Variants in THNSL1 observed in about 807,000 individuals in gnomAD.
THNSL1 encodes the protein threonine synthase like 1, also known as threonine synthase-like 1.
In THNSL1, 48 loss-of-function variants were observed where a neutral mutation model predicts 50.4. The ratio of observed to expected loss-of-function variants is 0.95; its 90% CI spans 0.76 to 1.21. The LOEUF (loss-of-function observed/expected upper bound fraction) is 1.21. Among genes scored for constraint, THNSL1 ranks in the 50% most tolerant of loss-of-function variants. THNSL1 has a pLI of 0.00. For missense variants in THNSL1, 896 were observed against 871.7 expected (o/e 1.03, Z -0.35); for synonymous variants, 309 against 306.1 (o/e 1.01, Z -0.10).
At chr10:24,996,859 C>T in the THNSL1 span, among the ~76,000 whole-genome samples, 1 of 152,120 alleles carries the variant, frequency 6.6e-6, no homozygotes, top group African/African-American at 2.4e-5. Flanking sequence ...CCCAGTATCT[C>T]AGAATATAAC....
intron 1 of THNSL1, among the ~76,000 whole-genome samples, chr10:25,019,024 C>G (rs1850667715): frequency 6.6e-6 from 1 of 152,084 alleles, no homozygotes; most frequent in African/African-American, 2.4e-5. Flanking sequence ...AAGTGGGAGG[C>G]CCTCTGAATG....
upstream of THNSL1, among the ~76,000 whole-genome samples, chr10:25,015,578 TAATTA>T (rs1360880072): frequency 2.0e-5 from 3 of 152,174 alleles, no homozygotes; most frequent in South Asian, 2.1e-4. Context: ...ATATCACATA[TAATTA>T]AATTACACAA....
At chr10:24,968,205 G>A in the THNSL1 span, among the ~76,000 whole-genome samples, 10 of 152,058 alleles carry the variant, frequency 6.6e-5, no homozygotes, top group African/African-American at 2.4e-4. Flanking sequence ...AGGGAGCAAG[G>A]TTTTCCCAGG....
At chr10:25,022,434 C>T (rs1319349127) in intron 2 of THNSL1, among the ~76,000 whole-genome samples, 1 of 152,158 alleles carries the variant, frequency 6.6e-6, no homozygotes, top group Non-Finnish European at 1.5e-5. Context: ...GACCTCATTG[C>T]TGATTATTAA....
chr10:24,957,778 G>A, the THNSL1 span, among the ~76,000 whole-genome samples: 2 of 152,178 alleles, frequency 1.3e-5, no homozygotes, highest in Non-Finnish European at 2.9e-5. Context: ...ACTGCATCCG[G>A]CCTTGAGTTG....
the THNSL1 span, among the ~76,000 whole-genome samples, chr10:24,971,782 C>T: frequency 6.6e-6 from 1 of 152,172 alleles, no homozygotes; most frequent in East Asian, 1.9e-4. Flanking sequence ...CACTATCAAC[C>T]AGGGGGCAGT....
chr10:25,022,767 A>G (rs1409561636), intron 2 of THNSL1, among the ~76,000 whole-genome samples: 1 of 152,198 alleles, frequency 6.6e-6, no homozygotes, highest in African/African-American at 2.4e-5. Context: ...CCAACTCCAA[A>G]TCATCTTTAT....
chr10:24,999,008 GT>G, the THNSL1 span, among the ~76,000 whole-genome samples: 1 of 152,308 alleles, frequency 6.6e-6, no homozygotes, highest in East Asian at 1.9e-4. Context: ...GGTAGTAATG[GT>G]TGTAATTTTC....
chr10:24,973,639 T>A, the THNSL1 span, among the ~76,000 whole-genome samples: 1 of 152,076 alleles, frequency 6.6e-6, no homozygotes, highest in Non-Finnish European at 1.5e-5. Context: ...ATGAAAAAAA[T>A]TGTATCTTAA....
At chr10:24,991,493 CAG>C in the THNSL1 span, among the ~76,000 whole-genome samples, 2 of 151,822 alleles carry the variant, frequency 1.3e-5, no homozygotes, top group African/African-American at 4.8e-5. Context: ...AGGCTGTTGA[CAG>C]GGGCGTGCCA....
chr10:25,014,064 GCTTTCATAA>G (rs1850511068), upstream of THNSL1, among the ~76,000 whole-genome samples: 1 of 152,154 alleles, frequency 6.6e-6, no homozygotes, highest in Admixed American at 6.5e-5. Context: ...TGACTCTGAG[GCTTTCATAA>G]CTTAAGTCTC....
chr10:24,982,719 T>C, the THNSL1 span: 1 of 152,206 alleles, frequency 6.6e-6, no homozygotes, highest in South Asian at 2.1e-4. Flanking sequence ...GATCCCGTGG[T>C]AGGGATCACC....
chr10:25,013,955 A>G (rs1413504906), upstream of THNSL1, among the ~76,000 whole-genome samples: 1 of 132,924 alleles, frequency 7.5e-6, no homozygotes, highest in Non-Finnish European at 1.6e-5. Context: ...AAAAAAAGTA[A>G]TTAAAAAAAA....
At chr10:24,967,647 TGTGTGTGTAC>T in the THNSL1 span, among the ~76,000 whole-genome samples, 1 of 152,164 alleles carries the variant, frequency 6.6e-6, no homozygotes, top group African/African-American at 2.4e-5. Flanking sequence ...CCTATGTGCG[TGTGTGTGTAC>T]ATGTGTGTAT....
At chr10:24,959,615 A>G in the THNSL1 span, among the ~76,000 whole-genome samples, 3 of 152,360 alleles carry the variant, frequency 2.0e-5, no homozygotes, top group East Asian at 5.8e-4. Context: ...TTAGTACGCC[A>G]ATATGCACTG....
chr10:24,986,560 C>A, the THNSL1 span, among the ~76,000 whole-genome samples: 1 of 152,142 alleles, frequency 6.6e-6, no homozygotes, highest in Non-Finnish European at 1.5e-5. Context: ...GTGGCTATTG[C>A]AGAGAGGAAG....
the THNSL1 span, among the ~76,000 whole-genome samples, chr10:24,972,408 T>C: frequency 6.6e-6 from 1 of 151,398 alleles, no homozygotes; most frequent in Non-Finnish European, 1.5e-5. Flanking sequence ...CTTGGGAGGC[T>C]GAGGCAGGAG....
chr10:25,022,753 CACTCCA>C (rs756220514), intron 2 of THNSL1, among the ~76,000 whole-genome samples: 4 of 152,050 alleles, frequency 2.6e-5, no homozygotes, highest in Non-Finnish European at 5.9e-5. Flanking sequence ...AAGTAGATAG[CACTCCA>C]ACTCCAAATC....
At chr10:25,002,899 TA>T in the THNSL1 span, among the ~76,000 whole-genome samples, 1 of 151,812 alleles carries the variant, frequency 6.6e-6, no homozygotes, top group African/African-American at 2.4e-5. Context: ...GTCTCGTGAT[TA>T]ATAAGATAAT....
Sources: allele counts gnomAD v4.1 joint callset (sites outside exome capture counted in the v4.1 genomes callset), GRCh38; gene constraint gnomAD v4.1.1; transcripts MANE v1.5; gene names NCBI Gene and HGNC (gene_info 2026-07-23, HGNC 2026-07-21).